TENM2: variants seen among roughly 807,000 people sequenced by gnomAD.
TENM2 encodes the protein teneurin transmembrane protein 2.
A neutral mutation model predicts 245.2 loss-of-function variants in TENM2; 52 were observed. That is an observed-to-expected ratio of 0.21 (90% confidence interval 0.17 to 0.27). The LOEUF is 0.27. Among genes scored for constraint, TENM2 ranks in the 10% least tolerant of loss-of-function variants. TENM2 has a pLI of 1.00. For synonymous variants in TENM2, 1,363 were observed against 1,438.9 expected (o/e 0.95, Z 1.19); for missense variants, 3,046 against 3,666.8 (o/e 0.83, Z 4.37).
chr5:167,458,284 C>T (rs536787129), intron 2 of TENM2, among the ~76,000 whole-genome samples: 59 of 145,254 alleles, frequency 4.1e-4, no homozygotes, highest in African/African-American at 1.2e-3. Context: ...ATCAGGAGTT[C>T]GAGACCAGCT....
chr5:167,429,343 T>C (rs375199536), intron 2 of TENM2, among the ~76,000 whole-genome samples: 86 of 152,274 alleles, frequency 5.6e-4, no homozygotes, highest in Middle Eastern at 3.4e-3. Flanking sequence ...CAAAAGATTG[T>C]TGTGAGGACT....
the TENM2 span, among the ~76,000 whole-genome samples, chr5:167,194,838 C>A: frequency 1.3e-5 from 2 of 152,024 alleles, no homozygotes; most frequent in Non-Finnish European, 2.9e-5. Context: ...AGGATGGATG[C>A]TGTTGCCATC....
At position 167,405,763 on chromosome 5, in the gene TENM2, C is replaced by CAA. The variant is rs1191224273; in HGVS notation, c.502+30291_502+30292insAA. Among the ~76,000 whole-genome samples the CAA allele has an allele frequency of 4.2e-3, 477 of 113,438 alleles. 6 individuals carry two copies. The highest frequency in any genetic ancestry group is 0.017 in the African/African-American group (461 of 26,822). 74.4% of individuals were successfully genotyped at this position (113,438 alleles called of 152,430 possible). ...AGATATAGTGCAATTCAAACACACA[C>CAA]ACACAAACACACACACACACACACA... is the stretch of plus-strand genomic sequence containing the variant. On this transcript the variant is annotated intron_variant, in intron 2 of 28. Coordinates refer to ENST00000518659, the Ensembl canonical transcript of TENM2.
intron 2 of TENM2, among the ~76,000 whole-genome samples, chr5:167,758,858 C>G (rs1038900775): frequency 6.6e-6 from 1 of 151,884 alleles, no homozygotes; most frequent in Non-Finnish European, 1.5e-5. Context: ...TGCTTTCATG[C>G]TAGGACCTTG....
At chr5:167,120,083 G>A in the TENM2 span, among the ~76,000 whole-genome samples, 3 of 152,108 alleles carry the variant, frequency 2.0e-5, no homozygotes, top group African/African-American at 7.2e-5. Context: ...GAGCCATGGA[G>A]GGCAGGTAGG....
At chr5:167,831,618 CCTTT>C (rs1292609409) in intron 2 of TENM2, among the ~76,000 whole-genome samples, 4 of 151,738 alleles carry the variant, frequency 2.6e-5, no homozygotes, top group African/African-American at 9.7e-5. Flanking sequence ...GAATCTTTCT[CCTTT>C]CTTTTATTCT....
intron 2 of TENM2, among the ~76,000 whole-genome samples, chr5:167,383,020 G>A (rs1395643658): frequency 1.3e-5 from 2 of 151,946 alleles, no homozygotes; most frequent in Non-Finnish European, 2.9e-5. Context: ...ATTTGGGGTG[G>A]GGGGACTTAT....
chr5:167,944,055 T>G (rs2151788916), intron 3 of TENM2, among the ~76,000 whole-genome samples: 1 of 152,310 alleles, frequency 6.6e-6, no homozygotes, highest in South Asian at 2.1e-4. Flanking sequence ...AATACTTTCC[T>G]GATGATTTAG....
chr5:167,491,050 C>T (rs533542292), intron 2 of TENM2, among the ~76,000 whole-genome samples: 7 of 152,182 alleles, frequency 4.6e-5, no homozygotes, highest in Non-Finnish European at 1.0e-4. Context: ...AAGGAATAAG[C>T]TATGATGATT....
At chr5:167,156,171 T>C in the TENM2 span, among the ~76,000 whole-genome samples, 1 of 152,204 alleles carries the variant, frequency 6.6e-6, no homozygotes. Context: ...GTTTTGGACA[T>C]ACCTGAGAAT....
intron 2 of TENM2, among the ~76,000 whole-genome samples, chr5:167,503,128 A>T (rs1769316790): frequency 6.6e-6 from 1 of 152,162 alleles, no homozygotes; most frequent in Non-Finnish European, 1.5e-5. Flanking sequence ...CGCCTGGCCC[A>T]TATTGTTATT....
intron 2 of TENM2, among the ~76,000 whole-genome samples, chr5:167,662,118 CA>C (rs1319652093): frequency 6.6e-6 from 1 of 152,080 alleles, no homozygotes; most frequent in Middle Eastern, 3.2e-3. Context: ...GTGCAGCCAC[CA>C]AAAGAAGCTG....
At chr5:167,003,835 T>C in the TENM2 span, among the ~76,000 whole-genome samples, 1 of 152,196 alleles carries the variant, frequency 6.6e-6, no homozygotes, top group African/African-American at 2.4e-5. Context: ...ATAACACATG[T>C]ACTCTTTTCA....
chr5:167,608,322 CA>C (rs1777203909), intron 2 of TENM2, among the ~76,000 whole-genome samples: 1 of 152,154 alleles, frequency 6.6e-6, no homozygotes, highest in Admixed American at 6.5e-5. Context: ...GGCATCTCTC[CA>C]GGGGAGTGTC....
At chr5:167,741,408 A>G (rs1761166946) in intron 2 of TENM2, among the ~76,000 whole-genome samples, 2 of 152,204 alleles carry the variant, frequency 1.3e-5, no homozygotes, top group Admixed American at 1.3e-4. Flanking sequence ...GAATCAGTGG[A>G]GAAATGGCCT....
intron 2 of TENM2, among the ~76,000 whole-genome samples, chr5:167,783,542 T>C (rs1333953928): frequency 6.6e-6 from 1 of 152,204 alleles, no homozygotes; most frequent in Non-Finnish European, 1.5e-5. Context: ...CACGGCAGTG[T>C]GCACTTAAGA....
intron 2 of TENM2, among the ~76,000 whole-genome samples, chr5:167,519,695 G>A (rs1770626763): frequency 6.6e-6 from 1 of 152,240 alleles, no homozygotes; most frequent in African/African-American, 2.4e-5. Context: ...AGGCTATGGA[G>A]ATTCTGAAAA....
rs574511667 is a variant in TENM2 at position 167,532,307 on chromosome 5, C to CTT, written c.502+156838_502+156839dup. Among the ~76,000 whole-genome samples, 504 of 151,634 alleles carry CTT rather than the reference C, an allele frequency of 3.3e-3. 24 individuals are homozygous for CTT. In the South Asian group the frequency reaches 0.081, roughly 24 times the overall value. On this transcript the variant is annotated intron_variant, in intron 2 of 28. Transcript: ENST00000518659. The stretch of plus-strand genomic sequence containing the variant: ...ATGCATGCTCTCTCTCTCTCTCTCT[C>CTT]TTTTTATATATATATGTATATAAAA...
chr5:168,171,166 C>G (rs1314387172), intron 13 of TENM2, among the ~76,000 whole-genome samples: 1 of 152,264 alleles, frequency 6.6e-6, no homozygotes. Context: ...TCCTCTGTGT[C>G]TCTCCCATCA....
Sources: allele counts gnomAD v4.1 joint callset (sites outside exome capture counted in the v4.1 genomes callset), GRCh38; gene constraint gnomAD v4.1.1; transcripts MANE v1.5; gene names NCBI Gene and HGNC (gene_info 2026-07-23, HGNC 2026-07-21).